The following COL12A1 variants were observed in gnomAD, a reference collection of about 807,000 sequenced individuals.
COL12A1 encodes collagen type XII alpha 1 chain.
COL12A1 carries 114 observed loss-of-function variants against 349.7 expected under a neutral mutation model. The ratio of observed to expected loss-of-function variants is 0.33; its 90% CI spans 0.28 to 0.38. The LOEUF (loss-of-function observed/expected upper bound fraction) is 0.38. Among genes scored for constraint, COL12A1 ranks in the 10% least tolerant of loss-of-function variants. The pLI, the probability that COL12A1 is intolerant of heterozygous loss-of-function variation, is 1.00. For missense variants in COL12A1, 3,284 were observed against 3,756.9 expected (o/e 0.87, Z 3.29); for synonymous variants, 1,369 against 1,329.0 (o/e 1.03, Z -0.66).
chr6:75,174,968 C>T, intron 13 of COL12A1, 70 bp downstream of exon 13: 1 of 1,535,350 alleles, frequency 6.5e-7, no homozygotes, highest in South Asian at 1.2e-5. Flanking sequence ...TGTCTGAAGA[C>T]ATTTTAAGCT....
Position 75,116,069 on chromosome 6 carries a change from A to G in COL12A1, c.7520-12T>C. 1 of 1,612,974 alleles carries G rather than the reference A, an allele frequency of 6.2e-7. No homozygotes were observed. Among genetic ancestry groups the G allele is most frequent in the Middle Eastern group, 1.7e-4 (1 of 5,984 alleles). ...AATGAGAGGACAACCTGCAATGTAC[A>G]GTGTTCTTTAAGTATGATTCACCAA... On this transcript the variant is annotated splice_polypyrimidine_tract_variant and intron_variant, in intron 47 of 65. Coordinates refer to ENST00000322507, the MANE Select transcript of COL12A1 (RefSeq NM_004370.6).
At chr6:75,157,939 T>A (rs1185393174) in intron 14 of COL12A1, among the ~76,000 whole-genome samples, 18 of 152,078 alleles carry the variant, frequency 1.2e-4, no homozygotes. Flanking sequence ...GCAAAATTAG[T>A]CCTAAACTGA....
chr6:75,161,548 C>T (rs1768028361), intron 14 of COL12A1, among the ~76,000 whole-genome samples: 1 of 152,122 alleles, frequency 6.6e-6, no homozygotes, highest in Non-Finnish European at 1.5e-5. Flanking sequence ...CAGCCAATAT[C>T]ATATTGAATG....
rs1766223259 is a variant in COL12A1 at position 75,130,028 on chromosome 6, T to G, written c.6210+63A>C. On this transcript the variant is annotated intron_variant, in intron 37 of 65. Coordinates refer to ENST00000322507, the MANE Select transcript of COL12A1 (RefSeq NM_004370.6). Reference sequence around the variant, plus strand: ...ACTCACAGCATACCTCTAAAGAAGTTTAACTTCACTGTCCATTCAGCTAAG... The same window carrying G: ...ACTCACAGCATACCTCTAAAGAAGTGTAACTTCACTGTCCATTCAGCTAAG... 2.5e-6 allele frequency: 4 copies of G among 1,579,022 alleles called. 1 individual carries two copies. In the South Asian group the frequency reaches 4.6e-5, roughly 18 times the overall value.
chr6:75,180,897 T>C, intron 11 of COL12A1, 42 bp downstream of exon 11: 1 of 1,584,524 alleles, frequency 6.3e-7, no homozygotes, highest in African/African-American at 1.4e-5. Context: ...GTGCAATAAA[T>C]TATTCATTTT....
chr6:75,170,579 T>A (rs754272060), intron 13 of COL12A1, among the ~76,000 whole-genome samples: 1 of 152,218 alleles, frequency 6.6e-6, no homozygotes, highest in Non-Finnish European at 1.5e-5. Context: ...CAAAAAAGTG[T>A]TTCTTCCGTA....
chr6:75,192,851 T>C (rs895643886), intron 3 of COL12A1, among the ~76,000 whole-genome samples: 2 of 152,132 alleles, frequency 1.3e-5, no homozygotes, highest in Non-Finnish European at 2.9e-5. Context: ...GCATATTCCA[T>C]ACTCAAATGG....
chr6:75,130,754 C>G, intron 36 of COL12A1, 98 bp downstream of exon 36: 1 of 1,486,254 alleles, frequency 6.7e-7, no homozygotes, highest in Non-Finnish European at 9.2e-7. Context: ...CAGAAAGCAC[C>G]CATCTCTCAC....
At chr6:75,115,145 T>A (rs1301842784) in intron 49 of COL12A1, among the ~76,000 whole-genome samples, 2 of 152,164 alleles carry the variant, frequency 1.3e-5, no homozygotes, top group Admixed American at 1.3e-4. Flanking sequence ...TTCCTGACCC[T>A]GTCCTGAGCT....
At chr6:75,124,550 C>G (rs1424494075) in intron 40 of COL12A1, among the ~76,000 whole-genome samples, 179 bp from the exon 41 acceptor site, 4 of 152,004 alleles carry the variant, frequency 2.6e-5, no homozygotes, top group Admixed American at 1.3e-4. Context: ...CCAAAATAGA[C>G]CCCCCTTTCT....
At chr6:75,162,905 GA>G (rs1204378221) in intron 14 of COL12A1, among the ~76,000 whole-genome samples, 1 of 151,976 alleles carries the variant, frequency 6.6e-6, no homozygotes, top group Non-Finnish European at 1.5e-5. Context: ...ACAGACATAT[GA>G]AAAAAAGATC....
intron 23 of COL12A1, among the ~76,000 whole-genome samples, chr6:75,146,880 G>A (rs1223145899): frequency 6.6e-6 from 1 of 152,114 alleles, no homozygotes; most frequent in Non-Finnish European, 1.5e-5. Context: ...TAATATAAAG[G>A]GATATAAGAG....
Position 75,123,963 on chromosome 6 carries a change from C to T in COL12A1, c.6856G>A (p.Val2286Ile). ...AAAAACTTACTGGTATGTTCTTTAA[C>T]AGAGACTCCTGGTCCCTCGAGATTT... ...TPNLEGPGVS[V>I]KEHTTVKPTE... is the part of the protein sequence containing the mutation. The change falls in exon 42 of 66, where the codon GTT becomes ATT. Residue 2286 changes from valine to isoleucine, a missense_variant. Transcript: ENST00000322507. 3 of 1,611,068 alleles carry T rather than the reference C, an allele frequency of 1.9e-6. No homozygotes were observed. Among genetic ancestry groups the T allele is most frequent in the Non-Finnish European group, 1.7e-6 (2 of 1,177,892 alleles).
intron 54 of COL12A1, among the ~76,000 whole-genome samples, chr6:75,104,908 T>C (rs192325676): frequency 2.0e-4 from 30 of 152,292 alleles, no homozygotes; most frequent in African/African-American, 6.5e-4. Context: ...TTTTCAGTCA[T>C]GTAATTACAG....
chr6:75,179,408 G>A (rs778032586), intron 11 of COL12A1, among the ~76,000 whole-genome samples: 1 of 151,968 alleles, frequency 6.6e-6, no homozygotes, highest in Non-Finnish European at 1.5e-5. Context: ...GGCATTACAG[G>A]AAAAGCATCA....
chr6:75,120,759 A>G (rs1417341270), intron 44 of COL12A1, among the ~76,000 whole-genome samples: 1 of 152,230 alleles, frequency 6.6e-6, no homozygotes, highest in African/African-American at 2.4e-5. Flanking sequence ...GTACTTCAGT[A>G]TAACAAATAT....
In COL12A1 at chr6:75,090,500, C is replaced by T. The variant is rs889582135; in HGVS notation, c.8753-202G>A. On this transcript the variant is annotated intron_variant, in intron 62 of 65. Coordinates refer to ENST00000322507, the MANE Select transcript of COL12A1 (RefSeq NM_004370.6). This position sits in a 1 kb window ranked among gnomAD's most constrained non-coding sequence, Gnocchi z 4.1. ...ATGGTCCCTGATAAATAACTGTTTC[C>T]ACAAAATGCTGACCTACAAGCCACA... 1.3e-5 allele frequency among the ~76,000 whole-genome samples: 2 copies of T among 152,046 alleles called. No individual in the cohort carries two copies. The highest frequency in any genetic ancestry group is 2.9e-5 in the Non-Finnish European group (2 of 68,004).
chr6:75,088,417 G>A (rs746229417), intron 64 of COL12A1, among the ~76,000 whole-genome samples: 1 of 148,126 alleles, frequency 6.8e-6, no homozygotes, highest in Non-Finnish European at 1.5e-5. Flanking sequence ...AAGACTACTG[G>A]AAAAAACAGG....
chr6:75,115,667 C>T, intron 49 of COL12A1, 117 bp downstream of exon 49: 1 of 1,268,528 alleles, frequency 7.9e-7, no homozygotes, highest in African/African-American at 1.5e-5. Context: ...CAATCAGGGT[C>T]ATCCATAAGC....
Sources: allele counts gnomAD v4.1 joint callset (sites outside exome capture counted in the v4.1 genomes callset), GRCh38; gene constraint gnomAD v4.1.1; non-coding constraint Gnocchi (gnomAD v3.1); transcripts MANE v1.5; gene names NCBI Gene and HGNC (gene_info 2026-07-23, HGNC 2026-07-21).